The following LGALS3BP variants were observed in gnomAD, a reference collection of about 807,000 sequenced individuals.
LGALS3BP encodes the protein galectin-3-binding protein.
A neutral mutation model predicts 22.9 loss-of-function variants in LGALS3BP; 25 were observed. That is an observed-to-expected ratio of 1.09 (90% CI 0.80 to 1.53). The LOEUF is 1.53. Ranked by LOEUF, LGALS3BP falls within the 40% of genes most tolerant of loss-of-function variation. LGALS3BP has a pLI of 0.00. For missense variants in LGALS3BP, 718 were observed against 752.0 expected (o/e 0.95, Z 0.53); for synonymous variants, 335 against 331.1 (o/e 1.01, Z -0.13).
At position 78,971,829 on chromosome 17, in the gene LGALS3BP, G is replaced by C. The variant is rs1448404054; in HGVS notation, c.1505C>G (p.Pro502Arg). 1 of 1,614,148 alleles carries C rather than the reference G, an allele frequency of 6.2e-7. No homozygotes were observed. The highest frequency in any genetic ancestry group is 1.7e-5 in the Admixed American group (1 of 60,026). ...YGFSCSSDEL[P>R]VLGLTKSGGS... ...GCCAGACTTGGTGAGGCCCAGGACA[G>C]GGAGCTCGTCCGAGGAGCAGGAGAA... The change falls in exon 6 of 6, where the codon CCT becomes CGT. Residue 502 changes from proline (P) to arginine (R), a missense_variant. By Grantham distance (103) the Pro-to-Arg change is moderately radical (BLOSUM62 -2). Transcript: ENST00000262776. The surrounding 1 kb of genome is among the most constrained non-coding windows in gnomAD (Gnocchi z 5.6).
At chr17:78,975,421 GCCCAAGCA>G (rs2145824118) in intron 3 of LGALS3BP, among the ~76,000 whole-genome samples, 2 of 152,288 alleles carry the variant, frequency 1.3e-5, no homozygotes, top group East Asian at 3.9e-4. Context: ...TCTTGAACCT[GCCCAAGCA>G]CCCGCCACCA....
In LGALS3BP at chr17:78,973,257, G is replaced by A. The variant is rs961359269; in HGVS notation, c.377-35C>T. On this transcript the variant is annotated intron_variant, in intron 4 of 5. Transcript: ENST00000262776. The surrounding 1 kb of genome is among the most constrained non-coding windows in gnomAD (Gnocchi z 5.8). Reference sequence around the variant, plus strand: ...GGCGGGAGGGAAGTGGGCTGCGTTAGGAGCCGGGGCACTGCCACTCTCTGG... The same window carrying A: ...GGCGGGAGGGAAGTGGGCTGCGTTAAGAGCCGGGGCACTGCCACTCTCTGG... 2.2e-5 allele frequency: 33 copies of A among 1,472,090 alleles called. No individual in the cohort carries two copies. Among genetic ancestry groups the A allele is most frequent in the African/African-American group, 2.8e-5 (2 of 71,090 alleles). 91.2% of individuals were successfully genotyped at this position (1,472,090 alleles called of 1,614,324 possible).
rs555253209 is a variant in LGALS3BP, at chr17:78,973,538, T to TC, written c.377-317dup. On this transcript the variant is annotated intron_variant, in intron 4 of 5. Transcript: ENST00000262776. This position sits in a 1 kb window ranked among gnomAD's most constrained non-coding sequence, Gnocchi z 5.8. The stretch of plus-strand genomic sequence containing the variant: ...CGCATGGAGACTTGGTGGTACTGAC[T>TC]CCGGAGCCCCCACTCCCCAGCCTTG... 1.3e-5 allele frequency among the ~76,000 whole-genome samples: 2 copies of TC among 152,176 alleles called. No homozygotes were observed. The highest frequency in any genetic ancestry group is 4.8e-5 in the African/African-American group (2 of 41,516).
rs779256192 is a variant in LGALS3BP at position 78,972,461 on chromosome 17, C to T, written c.873G>A (p.Thr291=). 5.6e-6 allele frequency: 9 copies of T among 1,613,376 alleles called. No homozygotes were observed. Among genetic ancestry groups the T allele is most frequent in the Admixed American group, 5.0e-5 (3 of 60,012 alleles). Residue 291 remains threonine (T), a synonymous_variant, in exon 6 of 6, where the codon ACG becomes ACA. Transcript: ENST00000262776. The surrounding 1 kb of genome is among the most constrained non-coding windows in gnomAD (Gnocchi z 5.1). ...QFLAWNFEAL[T]QAEAWPSVPT... ...GGACACTGGGCCAGGCCTCGGCCTG[C>T]GTCAAGGCCTCGAAGTTCCAGGCCA...
Position 78,976,224 on chromosome 17 carries a change from C to G in LGALS3BP, c.53-68G>C. ...ACCCACCGCCCACACCTCCAGGCCC[C>G]ATATGCTGTCCTGGGTCTCCCCTGC... On this transcript the variant is annotated intron_variant, in intron 2 of 5. Transcript: ENST00000262776. The surrounding 1 kb of genome is among the most constrained non-coding windows in gnomAD (Gnocchi z 4.6). 1 of 1,372,552 alleles carries G rather than the reference C, an allele frequency of 7.3e-7. No homozygotes were observed. The highest frequency in any genetic ancestry group is 9.8e-7 in the Non-Finnish European group (1 of 1,020,152). 85.0% of individuals were successfully genotyped at this position (1,372,552 alleles called of 1,614,324 possible).
intron 1 of LGALS3BP, chr17:78,977,552 C>A (rs760771332): frequency 1.9e-4 from 55 of 285,376 alleles, no homozygotes; most frequent in Non-Finnish European, 4.7e-5. Context: ...GGCAAGGCTG[C>A]CACACGGGCA....
chr17:78,974,527 G>T, intron 4 of LGALS3BP, 161 bp downstream of exon 4: 1 of 747,138 alleles, frequency 1.3e-6, no homozygotes, highest in Non-Finnish European at 2.1e-6. Context: ...GAGCTGGTGG[G>T]CTCTTGGGAC....
rs1241584530 is a variant in LGALS3BP at position 78,976,206 on chromosome 17, G to A, written c.53-50C>T. The stretch of plus-strand genomic sequence containing the variant: ...GAGGCTGGGGCCTGCAGCACCCACC[G>A]CCCACACCTCCAGGCCCCATATGCT... On this transcript the variant is annotated intron_variant, in intron 2 of 5. Coordinates refer to ENST00000262776, the MANE Select transcript of LGALS3BP (RefSeq NM_005567.4). This position sits in a 1 kb window ranked among gnomAD's most constrained non-coding sequence, Gnocchi z 4.6. The A allele has an allele frequency of 7.5e-6, 11 of 1,464,344 alleles. No homozygotes were observed. Among genetic ancestry groups the A allele is most frequent in the African/African-American group, 1.4e-5 (1 of 71,000 alleles). 90.7% of individuals were successfully genotyped at this position (1,464,344 alleles called of 1,614,324 possible).
In LGALS3BP at chr17:78,972,086, G is replaced by C. The variant is rs777150769; in HGVS notation, c.1248C>G (p.Ala416=). 1.9e-6 allele frequency: 3 copies of C among 1,613,668 alleles called. 1 individual carries two copies. The South Asian group carries it at 3.3e-5, about 18-fold the overall frequency. ...CACTCCAGGAACTGTCTGTCACAAA[G>C]GCACTCCAGGTGGGCGAGGTGTAAA... ...PRIYTSPTWS[A]FVTDSSWSAR... Residue 416 remains alanine, a synonymous_variant, in exon 6 of 6, where the codon GCC becomes GCG. Coordinates refer to ENST00000262776, the MANE Select transcript of LGALS3BP (RefSeq NM_005567.4). This position sits in a 1 kb window ranked among gnomAD's most constrained non-coding sequence, Gnocchi z 5.1.
rs770087733 is a variant in LGALS3BP at position 78,973,353 on chromosome 17, C to T, written c.377-131G>A. 6.2e-5 allele frequency: 69 copies of T among 1,111,858 alleles called. No individual in the cohort carries two copies. The highest frequency in any genetic ancestry group is 1.3e-4 in the South Asian group (8 of 59,556). 68.9% of individuals were successfully genotyped at this position (1,111,858 alleles called of 1,614,324 possible). ...TCACTCTGGAAGGCTCCTGGGAAGA[C>T]GAGGGACAAGAGAGACCGGAAGTGT... On this transcript the variant is annotated intron_variant, in intron 4 of 5. Coordinates refer to ENST00000262776, the MANE Select transcript of LGALS3BP (RefSeq NM_005567.4). The surrounding 1 kb of genome is among the most constrained non-coding windows in gnomAD (Gnocchi z 5.8).
Position 78,972,711 on chromosome 17 carries a change from A to G in LGALS3BP, c.630-7T>C. 6.6e-7 allele frequency: 1 copy of G among 1,515,300 alleles called. No individual in the cohort carries two copies. The highest frequency in any genetic ancestry group is 8.8e-7 in the Non-Finnish European group (1 of 1,132,502). 93.9% of individuals were successfully genotyped at this position (1,515,300 alleles called of 1,614,324 possible). A position where few individuals can be genotyped will look rare whatever the true frequency, so the allele number is the denominator to read the frequency against. Reference sequence around the variant, plus strand: ...CCTTCGGGAGTAGAAGTACCTGGGGAGAAAGAAGGAGAGCAGATGCCGGCC... The same window carrying G: ...CCTTCGGGAGTAGAAGTACCTGGGGGGAAAGAAGGAGAGCAGATGCCGGCC... On this transcript the variant is annotated splice_region_variant and splice_polypyrimidine_tract_variant and intron_variant, in intron 5 of 5. Transcript: ENST00000262776. This position sits in a 1 kb window ranked among gnomAD's most constrained non-coding sequence, Gnocchi z 5.1.
At position 78,973,375 on chromosome 17, in the gene LGALS3BP, G is replaced by A. The variant is rs2070692799; in HGVS notation, c.377-153C>T. 4.2e-6 allele frequency: 4 copies of A among 944,984 alleles called. No homozygotes were observed. In the East Asian group the frequency reaches 1.1e-4, roughly 25 times the overall value. 58.5% of individuals were successfully genotyped at this position (944,984 alleles called of 1,614,324 possible). ...AGACGAGGGACAAGAGAGACCGGAA[G>A]TGTCGGATTCCTGGACCCTGAGGCC... is the stretch of plus-strand genomic sequence containing the variant. On this transcript the variant is annotated intron_variant, in intron 4 of 5. Transcript: ENST00000262776. This position sits in a 1 kb window ranked among gnomAD's most constrained non-coding sequence, Gnocchi z 5.8.
At chr17:78,975,456 G>A (rs922174688) in intron 3 of LGALS3BP, among the ~76,000 whole-genome samples, 1 of 152,142 alleles carries the variant, frequency 6.6e-6, no homozygotes, top group Non-Finnish European at 1.5e-5. Context: ...GCCAAGTGTG[G>A]GTGGAGCAGT....
rs756907705 is a variant in LGALS3BP at position 78,971,709 on chromosome 17, G to A, written c.1625C>T (p.Ala542Val). 6.2e-7 allele frequency: 1 copy of A among 1,614,006 alleles called. No individual in the cohort carries two copies. Among genetic ancestry groups the A allele is most frequent in the Non-Finnish European group, 8.5e-7 (1 of 1,180,042 alleles). ...ADVTDFEGWKAAIPSALDTNS... is the reference protein window; with the variant it reads ...ADVTDFEGWKVAIPSALDTNS... ...GGTGTCCAGGGCACTGGGAATCGCAGCCTTCCAGCCCTCGAAATCGGTGAC... is the reference window on the plus strand; with the variant it reads ...GGTGTCCAGGGCACTGGGAATCGCAACCTTCCAGCCCTCGAAATCGGTGAC... The change falls in exon 6 of 6, where the codon GCT becomes GTT. Residue 542 changes from alanine (A) to valine (V), a missense_variant. Transcript: ENST00000262776. This position sits in a 1 kb window ranked among gnomAD's most constrained non-coding sequence, Gnocchi z 5.6.
At position 78,978,999 on chromosome 17, in the gene LGALS3BP, C is replaced by T. The variant is rs374256008; in HGVS notation, c.-24+825G>A. Among the ~76,000 whole-genome samples, 10 of 151,976 alleles carry T rather than the reference C, an allele frequency of 6.6e-5. No homozygotes were observed. The South Asian group carries it at 1.2e-3, about 19-fold the overall frequency. On this transcript the variant is annotated intron_variant, in intron 1 of 5. Coordinates refer to ENST00000262776, the MANE Select transcript of LGALS3BP (RefSeq NM_005567.4). Reference sequence around the variant, plus strand: ...CTGAGGCAACAGAATTGCTTGAATCCGGCAGGCAGAGATTGTAGTGAGCCG... The same window carrying T: ...CTGAGGCAACAGAATTGCTTGAATCTGGCAGGCAGAGATTGTAGTGAGCCG...
chr17:78,977,141 T>C lies in LGALS3BP; in HGVS notation c.51A>G (p.Gln17=), dbSNP rs199757886. The stretch of plus-strand genomic sequence containing the variant: ...GTATTTCCCAGGGGCTCAGCTCACC[T>C]TGGGTTCCTGCAACCAGCAGCCACA... ...FWVWLLVAGT[Q]GVNDGDMRLA... The change falls in exon 2 of 6, where the codon CAA becomes CAG. Residue 17 remains glutamine (Q), a splice_region_variant and synonymous_variant. Coordinates refer to ENST00000262776, the MANE Select transcript of LGALS3BP (RefSeq NM_005567.4). 437 of 1,613,298 alleles carry C rather than the reference T, an allele frequency of 2.7e-4. No individual in the cohort carries two copies. The highest frequency in any genetic ancestry group is 7.5e-4 in the South Asian group (68 of 91,084).
Position 78,973,987 on chromosome 17 carries a change from C to G in LGALS3BP, c.376+701G>C, listed in dbSNP as rs918362959. Among the ~76,000 whole-genome samples the G allele has an allele frequency of 6.6e-6, 1 of 152,258 alleles. No homozygotes were observed. The highest frequency in any genetic ancestry group is 1.5e-5 in the Non-Finnish European group (1 of 68,046). ...CCCCGTGTGCTCCCCGCCGCCTCCC[C>G]TGGCCCCCGACAGCCCCATGGCGTC... On this transcript the variant is annotated intron_variant, in intron 4 of 5. Coordinates refer to ENST00000262776, the MANE Select transcript of LGALS3BP (RefSeq NM_005567.4). The surrounding 1 kb of genome is among the most constrained non-coding windows in gnomAD (Gnocchi z 5.8).
Position 78,973,266 on chromosome 17 carries a change from G to T in LGALS3BP, c.377-44C>A. On this transcript the variant is annotated intron_variant, in intron 4 of 5. Coordinates refer to ENST00000262776, the MANE Select transcript of LGALS3BP (RefSeq NM_005567.4). The surrounding 1 kb of genome is among the most constrained non-coding windows in gnomAD (Gnocchi z 5.8). ...GAAGTGGGCTGCGTTAGGAGCCGGG[G>T]CACTGCCACTCTCTGGGGTCAGTGT... The T allele has an allele frequency of 1.2e-5, 17 of 1,461,244 alleles. No homozygotes were observed. The highest frequency in any genetic ancestry group is 1.5e-5 in the Non-Finnish European group (17 of 1,107,976). The allele number at this position is 1,461,244 out of a possible 1,614,324, so 90.5% of individuals were successfully genotyped here.
rs941123328 is a variant in LGALS3BP, at chr17:78,973,719, G to A, written c.377-497C>T. ...AAGTCATGGGAGGCTCCCGGCTCGG[G>A]GGTCAGTGTGGTGCACCCTCTCCCC... On this transcript the variant is annotated intron_variant, in intron 4 of 5. Transcript: ENST00000262776. This position sits in a 1 kb window ranked among gnomAD's most constrained non-coding sequence, Gnocchi z 5.8. Among the ~76,000 whole-genome samples the A allele has an allele frequency of 7.2e-5, 11 of 152,306 alleles. No homozygotes were observed. The highest frequency in any genetic ancestry group is 6.8e-3 in the Middle Eastern group (2 of 294).
Sources: allele counts gnomAD v4.1 joint callset (sites outside exome capture counted in the v4.1 genomes callset), GRCh38; gene constraint gnomAD v4.1.1; non-coding constraint Gnocchi (gnomAD v3.1); transcripts MANE v1.5; gene names NCBI Gene and HGNC (gene_info 2026-07-23, HGNC 2026-07-21).